The following TGIF1 variants were observed in gnomAD, a reference collection of about 807,000 sequenced individuals.
TGIF1 encodes TGFB induced factor homeobox 1, also known as homeobox protein TGIF1.
TGIF1 carries 4 observed loss-of-function variants against 19.3 expected under a neutral mutation model. That is an observed-to-expected ratio of 0.21 (90% CI 0.10 to 0.47). The LOEUF (loss-of-function observed/expected upper bound fraction) is 0.47. Ranked by LOEUF, TGIF1 falls within the 20% of genes least tolerant of loss-of-function variation. TGIF1 has a pLI of 0.98. For synonymous variants in TGIF1, 122 were observed against 129.3 expected (o/e 0.94, Z 0.38); for missense variants, 275 against 341.4 (o/e 0.81, Z 1.53).
chr18:3,450,158 T>A (rs1319948569), upstream of TGIF1: 1 of 1,260,364 alleles, frequency 7.9e-7, no homozygotes, highest in Admixed American at 3.7e-5. Context: ...GTACCTTCCC[T>A]CCTCGCCTCT....
chr18:3,447,823 T>TCC (rs1472326179), upstream of TGIF1: 9 of 1,613,278 alleles, frequency 5.6e-6, no homozygotes, highest in African/African-American at 1.3e-5. Context: ...CGTTTTTTCC[T>TCC]CCCCCTAATT....
At position 3,457,143 on chromosome 18, in the gene TGIF1, A is replaced by C; in HGVS notation, c.244-222A>C. 1.6e-6 allele frequency: 1 copy of C among 619,700 alleles called. No homozygotes were observed. The highest frequency in any genetic ancestry group is 2.8e-6 in the Non-Finnish European group (1 of 356,614). 38.4% of individuals were successfully genotyped at this position (619,700 alleles called of 1,614,324 possible). On this transcript the variant is annotated intron_variant, in intron 2 of 2. Coordinates refer to ENST00000343820, the MANE Select transcript of TGIF1 (RefSeq NM_003244.4). The surrounding 1 kb of genome is among the most constrained non-coding windows in gnomAD (Gnocchi z 4.9). ...AAAAGGTTTAAGTATGAAGAGACAA[A>C]AAAGGAAATTTGTATTAGAAACTAG...
rs974436252 is a variant in TGIF1, at chr18:3,451,614, G to C, written c.16+1109G>C. On this transcript the variant is annotated intron_variant, in intron 1 of 2. Transcript: ENST00000343820. The surrounding 1 kb of genome is among the most constrained non-coding windows in gnomAD (Gnocchi z 5.4). ...CTCCACATTCTTTCAGACCCGGCCC[G>C]CTGCGGGGCGTTCCTGGGGGGTAGC... The C allele has an allele frequency of 1.8e-5, 19 of 1,074,784 alleles. No homozygotes were observed. The African/African-American group carries it at 3.1e-4, about 18-fold the overall frequency. The allele number at this position is 1,074,784 out of a possible 1,614,324, so 66.6% of individuals were successfully genotyped here. A position where few individuals can be genotyped will look rare whatever the true frequency, so the allele number is the denominator to read the frequency against.
intron 2 of TGIF1, among the ~76,000 whole-genome samples, chr18:3,433,913 C>T (rs79962318): frequency 5.9e-5 from 9 of 151,986 alleles, no homozygotes; most frequent in African/African-American, 1.9e-4. Flanking sequence ...ACCACATATA[C>T]AAAAAAAGTA....
chr18:3,421,954 G>A (rs555256092), intron 2 of TGIF1, among the ~76,000 whole-genome samples: 3 of 152,138 alleles, frequency 2.0e-5, no homozygotes, highest in African/African-American at 4.8e-5. Context: ...AGCACTTTGC[G>A]AGGCTGAGGT....
upstream of TGIF1, chr18:3,449,538 T>TTGGCC: frequency 2.2e-5 from 21 of 961,810 alleles, no homozygotes; most frequent in Middle Eastern, 5.3e-4. Context: ...GTCTCATCAT[T>TTGGCC]CCCCCCCGCC....
chr18:3,427,304 T>G (rs2082485108), intron 2 of TGIF1, among the ~76,000 whole-genome samples: 1 of 151,796 alleles, frequency 6.6e-6, no homozygotes. Flanking sequence ...TTTTTTTTTT[T>G]TCTTTGAGAT....
chr18:3,448,495 C>G, upstream of TGIF1: 2 of 990,002 alleles, frequency 2.0e-6, no homozygotes, highest in Non-Finnish European at 2.4e-6. Context: ...AGCGTCCGGG[C>G]GGGTGGCTTG....
rs984521773 is a variant in TGIF1 at position 3,457,140 on chromosome 18, C to T, written c.244-225C>T. ...CTGAAAAGGTTTAAGTATGAAGAGA[C>T]AAAAAAGGAAATTTGTATTAGAAAC... On this transcript the variant is annotated intron_variant, in intron 2 of 2. Transcript: ENST00000343820. The surrounding 1 kb of genome is among the most constrained non-coding windows in gnomAD (Gnocchi z 4.9). 1 of 615,628 alleles carries T rather than the reference C, an allele frequency of 1.6e-6. No individual in the cohort carries two copies. The highest frequency in any genetic ancestry group is 2.8e-6 in the Non-Finnish European group (1 of 353,450). 38.1% of individuals were successfully genotyped at this position (615,628 alleles called of 1,614,324 possible).
chr18:3,422,296 T>TAA (rs34822467), intron 2 of TGIF1, among the ~76,000 whole-genome samples: 13 of 80,406 alleles, frequency 1.6e-4, no homozygotes, highest in East Asian at 7.7e-4. Context: ...GTTTAAAAAG[T>TAA]AAAAAAAAAA....
rs533950767 is a variant in TGIF1 at position 3,451,177 on chromosome 18, C to G, written c.16+672C>G. Among the ~76,000 whole-genome samples the G allele has an allele frequency of 6.6e-6, 1 of 152,266 alleles. No individual in the cohort carries two copies. The highest frequency in any genetic ancestry group is 1.5e-5 in the Non-Finnish European group (1 of 68,012). On this transcript the variant is annotated intron_variant, in intron 1 of 2. Transcript: ENST00000343820. The surrounding 1 kb of genome is among the most constrained non-coding windows in gnomAD (Gnocchi z 5.4). ...TTTGGGGCAGGAGGAAGAGTTAGCA[C>G]CCAGGGCCAGCAGCTTCAAGCGGCA...
chr18:3,452,077 C>G (rs756296605), intron 1 of TGIF1: 1 of 1,614,014 alleles, frequency 6.2e-7, no homozygotes, highest in Non-Finnish European at 8.5e-7. Flanking sequence ...TGGCCCGCCT[C>G]CCACCCCGGG....
rs149697535 is a variant in TGIF1 at position 3,438,199 on chromosome 18, G to A, written c.-44-18155G>A. Among the ~76,000 whole-genome samples the A allele has an allele frequency of 1.6e-3, 242 of 152,204 alleles. 2 individuals carry two copies. The highest frequency in any genetic ancestry group is 5.2e-3 in the African/African-American group (217 of 41,520). ...ATATATCATTTTATTAGTTGAAAGCGCAGTGAACCTAAGTCAAGCAATCTA... is the reference window on the plus strand; with the variant it reads ...ATATATCATTTTATTAGTTGAAAGCACAGTGAACCTAAGTCAAGCAATCTA... On this transcript the variant is annotated intron_variant, in intron 2 of 3. Coordinates refer to the TGIF1 transcript ENST00000401449.
chr18:3,454,561 T>C (rs896986098), intron 1 of TGIF1, among the ~76,000 whole-genome samples: 2 of 152,232 alleles, frequency 1.3e-5, no homozygotes, highest in Non-Finnish European at 2.9e-5. Context: ...AGCTATAATT[T>C]CTTTAAGCTA....
chr18:3,445,765 C>CAAAAAAAAAAA (rs755240649), upstream of TGIF1, among the ~76,000 whole-genome samples: 3 of 35,848 alleles, frequency 8.4e-5, no homozygotes, highest in Admixed American at 5.5e-4. Flanking sequence ...AGAAGAAAAG[C>CAAAAAAAAAAA]AAAAAAAAAA....
Position 3,457,721 on chromosome 18 carries a change from A to G in TGIF1, c.600A>G (p.Ile200Met). 2.5e-6 allele frequency: 4 copies of G among 1,614,220 alleles called. No individual in the cohort carries two copies. The highest frequency in any genetic ancestry group is 1.3e-5 in the African/African-American group (1 of 75,056). The change falls in exon 3 of 3, where the codon ATA becomes ATG. Residue 200 changes from isoleucine to methionine, a missense_variant. Transcript: ENST00000343820. This position sits in a 1 kb window ranked among gnomAD's most constrained non-coding sequence, Gnocchi z 4.9. ...TCGGTGTGGGACAAAACACAGATAT[A>G]CAGCAGATAGCGGCCAAAAACTTCA... ...QSVGVGQNTD[I>M]QQIAAKNFTD...
intron 1 of TGIF1, chr18:3,452,149 TG>T: frequency 3.1e-6 from 5 of 1,613,824 alleles, no homozygotes; most frequent in Non-Finnish European, 4.2e-6. Context: ...CGCGGCACTT[TG>T]GCCTACCTTC....
Position 3,450,172 on chromosome 18 carries a change from ACT to A in TGIF1, c.-315_-314del. On this transcript the variant is annotated 5_prime_UTR_variant, in exon 1 of 3. Coordinates refer to ENST00000343820, the MANE Select transcript of TGIF1 (RefSeq NM_003244.4). ...TGTACCTTCCCTCCTCGCCTCTCTC[ACT>A]CTGACAGCGCCGAGGTGCGCCGAGC... 2 of 1,306,780 alleles carry A rather than the reference ACT, an allele frequency of 1.5e-6. No homozygotes were observed. Among genetic ancestry groups the A allele is most frequent in the Non-Finnish European group, 2.0e-6 (2 of 1,023,298 alleles). 80.9% of individuals were successfully genotyped at this position (1,306,780 alleles called of 1,614,324 possible). A position where few individuals can be genotyped will look rare whatever the true frequency, so the allele number is the denominator to read the frequency against.
chr18:3,448,452 G>T (rs1411364333), upstream of TGIF1: 12 of 992,478 alleles, frequency 1.2e-5, no homozygotes, highest in Non-Finnish European at 1.4e-5. Flanking sequence ...AGCCAGGTCC[G>T]GGAAGGAACT....
Sources: allele counts gnomAD v4.1 joint callset (sites outside exome capture counted in the v4.1 genomes callset), GRCh38; gene constraint gnomAD v4.1.1; non-coding constraint Gnocchi (gnomAD v3.1); transcripts MANE v1.5; gene names NCBI Gene and HGNC (gene_info 2026-07-23, HGNC 2026-07-21).